Variants in DOCK8 observed in about 807,000 individuals in gnomAD.
The protein encoded by DOCK8 is dedicator of cytokinesis protein 8.
A neutral mutation model predicts 245.6 loss-of-function variants in DOCK8; 141 were observed. The ratio of observed to expected loss-of-function variants is 0.57; its 90% CI spans 0.50 to 0.66. The LOEUF is 0.66. Among genes scored for constraint, DOCK8 ranks in the 30% least tolerant of loss-of-function variants. DOCK8 has a pLI of 0.00. For missense variants in DOCK8, 2,965 were observed against 2,603.4 expected, an observed-to-expected ratio of 1.14 and a Z score of -3.02; for synonymous variants, 1,168 against 970.2, an observed-to-expected ratio of 1.20 and a Z score of -3.79.
At chr9:359,916 A>C (rs1161267507) in intron 14 of DOCK8, among the ~76,000 whole-genome samples, 1 of 152,204 alleles carries the variant, frequency 6.6e-6, no homozygotes, top group East Asian at 1.9e-4. Context: ...TATTTAGAAA[A>C]ACAGAGCTTT....
upstream of DOCK8, chr9:213,123 C>CT (rs1327439848): frequency 2.0e-5 from 3 of 151,960 alleles, no homozygotes; most frequent in Non-Finnish European, 4.4e-5. Context: ...TTCAAAAAAG[C>CT]TTTATTTTTC....
Position 376,092 on chromosome 9 carries a change from C to G in DOCK8, c.2110-118C>G, listed in dbSNP as rs2053503389. ...CTCCAAGAACAGTTAGATTAGTTTT[C>G]AAGAGAGTTCTGTATTTGTATAACC... On this transcript the variant is annotated intron_variant, in intron 18 of 47. Coordinates refer to ENST00000432829, the MANE Select transcript of DOCK8 (RefSeq NM_203447.4). 8.8e-6 allele frequency: 7 copies of G among 797,048 alleles called. No individual in the cohort carries two copies. The East Asian group carries it at 9.8e-5, about 11-fold the overall frequency. 49.4% of individuals were successfully genotyped at this position (797,048 alleles called of 1,614,324 possible). A position where few individuals can be genotyped will look rare whatever the true frequency, so the allele number is the denominator to read the frequency against.
In DOCK8 at chr9:386,342, C is replaced by G; in HGVS notation, c.2790C>G (p.Arg930=). The G allele has an allele frequency of 3.1e-6, 5 of 1,613,800 alleles. No individual in the cohort carries two copies. Among genetic ancestry groups the G allele is most frequent in the Non-Finnish European group, 3.4e-6 (4 of 1,179,790 alleles). The stretch of plus-strand genomic sequence containing the variant: ...TTTGTGTATTTTAGATCGCCGATCG[C>G]AACTGCAGCCGAATGTCTTACTATT... ...KNIMSSKIAD[R]NCSRMSYYCS... The change falls in exon 23 of 48, where the codon CGC becomes CGG. Residue 930 remains arginine, a synonymous_variant. Coordinates refer to ENST00000432829, the MANE Select transcript of DOCK8 (RefSeq NM_203447.4).
intron 14 of DOCK8, among the ~76,000 whole-genome samples, chr9:351,360 C>A (rs1193515463): frequency 6.6e-6 from 1 of 152,190 alleles, no homozygotes; most frequent in Non-Finnish European, 1.5e-5. Flanking sequence ...TGGTCACCAT[C>A]TTCAACACAA....
intron 14 of DOCK8, among the ~76,000 whole-genome samples, chr9:344,475 C>T (rs529646200): frequency 7.0e-4 from 106 of 152,258 alleles, no homozygotes; most frequent in Non-Finnish European, 1.4e-3. Flanking sequence ...CACCTCCCCC[C>T]ATTCACGACA....
chr9:366,971 T>C (rs2053033348), intron 14 of DOCK8, among the ~76,000 whole-genome samples: 1 of 152,204 alleles, frequency 6.6e-6, no homozygotes, highest in Non-Finnish European at 1.5e-5. Context: ...AGCATGACTC[T>C]GGAACTAGAC....
chr9:329,035 C>T (rs540404628), intron 9 of DOCK8, among the ~76,000 whole-genome samples: 1 of 149,386 alleles, frequency 6.7e-6, no homozygotes, highest in African/African-American at 2.5e-5. Flanking sequence ...CTGCAACCTC[C>T]ACCTCCCGGG....
chr9:216,726 T>G (rs1204271376), intron 1 of DOCK8, among the ~76,000 whole-genome samples: 1 of 152,008 alleles, frequency 6.6e-6, no homozygotes, highest in Non-Finnish European at 1.5e-5. Flanking sequence ...TCCTCTGTCT[T>G]TGTGAATTTT....
chr9:420,109 C>T, intron 30 of DOCK8: 1 of 466,742 alleles, frequency 2.1e-6, no homozygotes, highest in Non-Finnish European at 4.0e-6. Flanking sequence ...GGGGTGATCA[C>T]CAGGCCACAC....
At chr9:394,372 T>C (rs1586887821) in intron 24 of DOCK8, among the ~76,000 whole-genome samples, 1 of 152,238 alleles carries the variant, frequency 6.6e-6, no homozygotes, top group Non-Finnish European at 1.5e-5. Flanking sequence ...TCTTCATACA[T>C]TGTTTATGCA....
Position 382,438 on chromosome 9 carries a change from T to C in DOCK8, c.2606-75T>C, listed in dbSNP as rs2053758637. 3.1e-6 allele frequency: 5 copies of C among 1,599,896 alleles called. No individual in the cohort carries two copies. The Admixed American group carries it at 8.3e-5, about 27-fold the overall frequency. On this transcript the variant is annotated intron_variant, in intron 21 of 47. Coordinates refer to ENST00000432829, the MANE Select transcript of DOCK8 (RefSeq NM_203447.4). ...TGGCTTTTCATCCACCCTATCCCTC[T>C]TCAATTCCTTCTTAAACTCAGTAAG...
chr9:235,208 A>G (rs1171340649), intron 1 of DOCK8, among the ~76,000 whole-genome samples: 1 of 152,166 alleles, frequency 6.6e-6, no homozygotes, highest in African/African-American at 2.4e-5. Context: ...GCTACAGAGC[A>G]GTGGATATTG....
At chr9:217,715 T>C (rs975327278) in intron 1 of DOCK8, among the ~76,000 whole-genome samples, 1 of 152,244 alleles carries the variant, frequency 6.6e-6, no homozygotes, top group African/African-American at 2.4e-5. Context: ...TGTTTACTTA[T>C]TGTGTCCCAG....
intron 24 of DOCK8, 25 bp downstream of exon 24, chr9:390,591 T>G (rs2054149055): frequency 6.2e-7 from 1 of 1,602,966 alleles, no homozygotes; most frequent in Middle Eastern, 1.7e-4. Context: ...CGTTTGTATC[T>G]GTGCTCAATA....
At chr9:290,801 A>C (rs1017363795) in intron 4 of DOCK8, among the ~76,000 whole-genome samples, 2 of 152,210 alleles carry the variant, frequency 1.3e-5, no homozygotes, top group Non-Finnish European at 2.9e-5. Flanking sequence ...CTCAGTAAGA[A>C]TTACTATTCT....
chr9:337,714 G>T (rs906862235), intron 12 of DOCK8, among the ~76,000 whole-genome samples: 1 of 152,158 alleles, frequency 6.6e-6, no homozygotes, highest in African/African-American at 2.4e-5. Flanking sequence ...GTAGAATGAC[G>T]GTTGCCAGGG....
intron 1 of DOCK8, among the ~76,000 whole-genome samples, chr9:229,461 A>G (rs1279541434): frequency 2.6e-5 from 4 of 152,178 alleles, no homozygotes; most frequent in Admixed American, 1.3e-4. Context: ...CTTAAATCCC[A>G]TAATTACACT....
At chr9:409,951 G>T (rs912238177) in intron 28 of DOCK8, among the ~76,000 whole-genome samples, 3 of 152,074 alleles carry the variant, frequency 2.0e-5, no homozygotes, top group African/African-American at 7.2e-5. Flanking sequence ...ACCATTGATG[G>T]ACATTTGGGT....
intron 14 of DOCK8, among the ~76,000 whole-genome samples, chr9:358,728 A>C (rs536938003): frequency 6.7e-6 from 1 of 149,074 alleles, no homozygotes; most frequent in South Asian, 2.1e-4. Flanking sequence ...ATGTGCCTGT[A>C]GTCCCAGCTA....
Sources: allele counts gnomAD v4.1 joint callset (sites outside exome capture counted in the v4.1 genomes callset), GRCh38; gene constraint gnomAD v4.1.1; transcripts MANE v1.5; gene names NCBI Gene and HGNC (gene_info 2026-07-23, HGNC 2026-07-21).